The following RAPGEF4 variants were observed in gnomAD, a reference collection of about 807,000 sequenced individuals.
RAPGEF4 encodes RAP guanine-nucleotide-exchange factor (GEF) 4.
Under a neutral mutation model 147.9 loss-of-function variants are expected in RAPGEF4, and 66 were observed. The observed-to-expected ratio is 0.45, with a 90% CI of 0.37 to 0.55. The LOEUF (loss-of-function observed/expected upper bound fraction) is 0.55, where lower values mean the gene tolerates loss of function less well. RAPGEF4 is among the 20% of genes least tolerant of loss of function. The pLI, the probability that RAPGEF4 is intolerant of heterozygous loss-of-function variation, is 0.00. For missense variants in RAPGEF4, 1,071 were observed against 1,257.3 expected (o/e 0.85, Z 2.24); for synonymous variants, 419 against 442.7 (o/e 0.95, Z 0.67).
chr2:172,967,539 C>A, intron 10 of RAPGEF4, 95 bp downstream of exon 10: 1 of 1,292,924 alleles, frequency 7.7e-7, no homozygotes, highest in Non-Finnish European at 1.0e-6. Context: ...TCTCAAAAGC[C>A]CTGGCCATCC....
chr2:172,907,701 G>T (rs1341511444), intron 4 of RAPGEF4, among the ~76,000 whole-genome samples: 2 of 152,228 alleles, frequency 1.3e-5, no homozygotes, highest in South Asian at 4.1e-4. Context: ...CAGCCTCAGT[G>T]ATGTGAAGCT....
intron 17 of RAPGEF4, among the ~76,000 whole-genome samples, chr2:173,009,920 T>A (rs1694847726): frequency 6.6e-6 from 1 of 152,252 alleles, no homozygotes; most frequent in Admixed American, 6.5e-5. Context: ...CAACAAACTT[T>A]GAAGTCATCT....
intron 1 of RAPGEF4, among the ~76,000 whole-genome samples, chr2:172,778,870 A>G (rs1684421244): frequency 6.6e-6 from 1 of 152,214 alleles, no homozygotes; most frequent in Non-Finnish European, 1.5e-5. Flanking sequence ...TCATTTAAAA[A>G]AATCACTACC....
intron 4 of RAPGEF4, among the ~76,000 whole-genome samples, chr2:172,889,261 G>C (rs73030869): frequency 0.012 from 1,798 of 152,054 alleles, 38 homozygotes; most frequent in African/African-American, 0.041. Context: ...CGCCTTTCAA[G>C]TTAATGGGCT....
chr2:172,965,757 A>G, intron 9 of RAPGEF4, 74 bp downstream of exon 9: 1 of 1,581,676 alleles, frequency 6.3e-7, no homozygotes, highest in South Asian at 1.1e-5. Flanking sequence ...TAGTTGCTGA[A>G]CTCTTGAATG....
Position 173,016,329 on chromosome 2 carries a change from G to A in RAPGEF4, c.1810-20G>A. 1 of 1,574,060 alleles carries A rather than the reference G, an allele frequency of 6.4e-7. No individual in the cohort carries two copies. Among genetic ancestry groups the A allele is most frequent in the Non-Finnish European group, 8.7e-7 (1 of 1,143,618 alleles). On this transcript the variant is annotated intron_variant, in intron 18 of 30. Coordinates refer to ENST00000397081, the MANE Select transcript of RAPGEF4 (RefSeq NM_007023.4). Reference sequence around the variant, plus strand: ...CTTTTGCAGTTCTTGTTAAAAGCCTGTGACTTTTGCCAATTACAGGAGTTT... The same window carrying A: ...CTTTTGCAGTTCTTGTTAAAAGCCTATGACTTTTGCCAATTACAGGAGTTT...
intron 6 of RAPGEF4, among the ~76,000 whole-genome samples, chr2:172,959,827 T>C (rs1302052998): frequency 6.6e-6 from 1 of 152,206 alleles, no homozygotes; most frequent in Non-Finnish European, 1.5e-5. Flanking sequence ...CTGTGGCTCA[T>C]GCCTATAATC....
intron 4 of RAPGEF4, among the ~76,000 whole-genome samples, chr2:172,822,314 T>G (rs1185290615): frequency 6.6e-6 from 1 of 152,184 alleles, no homozygotes; most frequent in Non-Finnish European, 1.5e-5. Context: ...ATACATGTAT[T>G]TTTCTAGTGA....
In RAPGEF4 at chr2:173,003,294, G is replaced by A. The variant is rs148010462; in HGVS notation, c.1658+1950G>A. Among the ~76,000 whole-genome samples, 601 of 152,278 alleles carry A rather than the reference G, an allele frequency of 3.9e-3. 5 individuals are homozygous for A. The highest frequency in any genetic ancestry group is 0.013 in the African/African-American group (554 of 41,556). On this transcript the variant is annotated intron_variant, in intron 17 of 30. Coordinates refer to ENST00000397081, the MANE Select transcript of RAPGEF4 (RefSeq NM_007023.4). ...GAGGAGGGGGAAAAATGATACTGGC[G>A]GGCAGGGAGAGGGGAAGGCAAGAAA...
intron 1 of RAPGEF4, among the ~76,000 whole-genome samples, chr2:172,788,955 T>C (rs1480778437): frequency 6.6e-6 from 1 of 152,154 alleles, no homozygotes; most frequent in African/African-American, 2.4e-5. Flanking sequence ...TGGAGCTCAG[T>C]TGACCTCTTT....
intron 10 of RAPGEF4, among the ~76,000 whole-genome samples, chr2:172,976,573 C>T (rs766331940): frequency 6.6e-6 from 1 of 152,130 alleles, no homozygotes; most frequent in African/African-American, 2.4e-5. Context: ...TTAGAAACCT[C>T]GAAGCTTGAC....
In RAPGEF4 at chr2:172,788,546, G is replaced by C. The variant is rs1685476061; in HGVS notation, c.66-6479G>C. Reference sequence around the variant, plus strand: ...TCTGTTTTCATGTGGCAGGAGTCTAGGCACAGCTTGTCTGGATCCTCTGTT... The same window carrying C: ...TCTGTTTTCATGTGGCAGGAGTCTACGCACAGCTTGTCTGGATCCTCTGTT... On this transcript the variant is annotated intron_variant, in intron 1 of 30. Coordinates refer to ENST00000397081, the MANE Select transcript of RAPGEF4 (RefSeq NM_007023.4). Among the ~76,000 whole-genome samples the C allele has an allele frequency of 2.0e-5, 3 of 152,200 alleles. No homozygotes were observed. In the South Asian group the frequency reaches 6.2e-4, roughly 32 times the overall value.
At chr2:172,744,188 T>C in intron 1 of RAPGEF4, 1 of 264,836 alleles carries the variant, frequency 3.8e-6, no homozygotes, top group Non-Finnish European at 7.5e-6. Flanking sequence ...TCTTGACTTT[T>C]ATTCCACTTT....
intron 15 of RAPGEF4, among the ~76,000 whole-genome samples, chr2:172,991,879 G>T (rs1692871534): frequency 6.6e-6 from 1 of 152,096 alleles, no homozygotes; most frequent in African/African-American, 2.4e-5. Context: ...TTTGCAAAGA[G>T]GGCAGGAAAA....
Position 172,929,591 on chromosome 2 carries a change from G to C in RAPGEF4, c.537+7291G>C, listed in dbSNP as rs184546802. Among the ~76,000 whole-genome samples the C allele has an allele frequency of 3.9e-5, 6 of 152,184 alleles. No homozygotes were observed. The East Asian group carries it at 9.6e-4, about 24-fold the overall frequency. On this transcript the variant is annotated intron_variant, in intron 6 of 30. Coordinates refer to ENST00000397081, the MANE Select transcript of RAPGEF4 (RefSeq NM_007023.4). ...TCTAAATCCTTTTTAGTTTAATTTA[G>C]TTTTCTTTTCTATTTCCCTTCAGCC... is the stretch of plus-strand genomic sequence containing the variant.
At chr2:172,763,749 A>G (rs1303252537) in intron 1 of RAPGEF4, among the ~76,000 whole-genome samples, 1 of 152,208 alleles carries the variant, frequency 6.6e-6, no homozygotes, top group African/African-American at 2.4e-5. Context: ...CTTTTGAAGG[A>G]ATTTGTTATA....
intron 27 of RAPGEF4, 33 bp from the exon 28 acceptor site, chr2:173,036,092 A>C: frequency 6.7e-7 from 1 of 1,482,326 alleles, no homozygotes; most frequent in Non-Finnish European, 9.4e-7. Flanking sequence ...ATCTGTCACC[A>C]GTCATTACCA....
chr2:172,961,290 A>G (rs1689267861), intron 8 of RAPGEF4, 62 bp downstream of exon 8: 1 of 1,316,224 alleles, frequency 7.6e-7, no homozygotes, highest in Non-Finnish European at 1.1e-6. Flanking sequence ...AAAATGGAAC[A>G]AAAATGCTTC....
intron 8 of RAPGEF4, among the ~76,000 whole-genome samples, chr2:172,961,539 C>A (rs1357527966): frequency 6.6e-6 from 1 of 152,156 alleles, no homozygotes; most frequent in Non-Finnish European, 1.5e-5. Flanking sequence ...TCACATTCAA[C>A]CAACATTGAC....
Sources: allele counts gnomAD v4.1 joint callset (sites outside exome capture counted in the v4.1 genomes callset), GRCh38; gene constraint gnomAD v4.1.1; transcripts MANE v1.5; gene names NCBI Gene and HGNC (gene_info 2026-07-23, HGNC 2026-07-21).